The following DCHS2 variants were observed in gnomAD, a reference collection of about 807,000 sequenced individuals.
The protein encoded by DCHS2 is dachsous cadherin-related 2, also known as protocadherin-23.
DCHS2 carries 142 observed loss-of-function variants against 182.4 expected under a neutral mutation model. The ratio of observed to expected loss-of-function variants is 0.78; its 90% CI spans 0.68 to 0.89. The LOEUF is 0.89. DCHS2 is among the 40% of genes least tolerant of loss of function. The pLI, the probability that DCHS2 is intolerant of heterozygous loss-of-function variation, is 0.00. For synonymous variants in DCHS2, 1,740 were observed against 1,663.3 expected, an observed-to-expected ratio of 1.05 and a Z score of -1.12; for missense variants, 4,319 against 4,198.6, an observed-to-expected ratio of 1.03 and a Z score of -0.79.
chr4:154,468,921 G>A (rs530832277), intron 1 of DCHS2, among the ~76,000 whole-genome samples: 1 of 152,276 alleles, frequency 6.6e-6, no homozygotes, highest in African/African-American at 2.4e-5. Flanking sequence ...GGAAGGGAGA[G>A]ACGTGAAGAA....
chr4:154,389,313 T>C (rs1338642203), intron 1 of DCHS2, among the ~76,000 whole-genome samples: 1 of 151,888 alleles, frequency 6.6e-6, no homozygotes, highest in East Asian at 1.9e-4. Flanking sequence ...TGTGCCATGG[T>C]TTGCTAACCC....
intron 14 of DCHS2, among the ~76,000 whole-genome samples, chr4:154,260,792 G>A (rs554643082): frequency 1.2e-4 from 18 of 151,862 alleles, no homozygotes; most frequent in East Asian, 1.9e-4. Flanking sequence ...CATCTCTTAC[G>A]TACCATCATA....
chr4:154,255,358 A>G (rs1043674848), intron 16 of DCHS2, among the ~76,000 whole-genome samples, 161 bp downstream of exon 16: 1 of 152,244 alleles, frequency 6.6e-6, no homozygotes, highest in Admixed American at 6.5e-5. Context: ...ACTATTTTCA[A>G]TATCAAAAAG....
chr4:154,278,143 G>A (rs1198484120), intron 13 of DCHS2, among the ~76,000 whole-genome samples: 1 of 151,996 alleles, frequency 6.6e-6, no homozygotes, highest in African/African-American at 2.4e-5. Context: ...TGAACAAAGT[G>A]AGAATATCAA....
At chr4:154,331,676 C>A in intron 5 of DCHS2, 1 of 1,613,932 alleles carries the variant, frequency 6.2e-7, no homozygotes, top group Non-Finnish European at 8.5e-7. Flanking sequence ...GCAGCAGCAC[C>A]ATCTGCCCAG....
chr4:154,356,796 C>T (rs1729892631), intron 3 of DCHS2, among the ~76,000 whole-genome samples: 2 of 152,112 alleles, frequency 1.3e-5, no homozygotes, highest in African/African-American at 2.4e-5. Flanking sequence ...GTTCACACAA[C>T]AACGAAATCA....
chr4:154,417,200 TGTGTGAGAGAGAGAGAGAGA>T (rs1295689397), intron 1 of DCHS2, among the ~76,000 whole-genome samples: 20 of 47,960 alleles, frequency 4.2e-4, no homozygotes, highest in Admixed American at 9.6e-4. Flanking sequence ...TGTGTGTGTG[TGTGTGAGAGAGAGAGAGAGA>T]GAGAGAGAGA....
At chr4:154,295,465 G>A (rs1162263998) in intron 13 of DCHS2, among the ~76,000 whole-genome samples, 2 of 152,276 alleles carry the variant, frequency 1.3e-5, no homozygotes, top group East Asian at 1.9e-4. Context: ...TTCCAAAGCC[G>A]AGAATAACAC....
intron 5 of DCHS2, chr4:154,331,775 G>C (rs866174853): frequency 2.0e-6 from 3 of 1,520,630 alleles, no homozygotes; most frequent in Admixed American, 2.1e-5. Flanking sequence ...TGTACTACTC[G>C]AGCTATCTGA....
chr4:154,322,454 G>A lies in DCHS2; in HGVS notation c.4053C>T (p.Asn1351=), dbSNP rs962603301. The A allele has an allele frequency of 6.2e-6, 10 of 1,613,332 alleles. No homozygotes were observed. The highest frequency in any genetic ancestry group is 8.5e-6 in the Non-Finnish European group (10 of 1,179,622). The change falls in exon 8 of 20, where the codon AAC becomes AAT. Residue 1351 remains asparagine, a synonymous_variant. Coordinates refer to ENST00000357232, the MANE Select transcript of DCHS2 (RefSeq NM_001358235.2). ...DSSDHFKIDA[N]NGEIRTTTIL... ...TTGTGGTTGTTCTTATTTCACCATT[G>A]TTGGCGTCAATCTTAAAGTGATCAG...
chr4:154,428,914 A>G (rs992038279), intron 1 of DCHS2, among the ~76,000 whole-genome samples: 1 of 151,892 alleles, frequency 6.6e-6, no homozygotes, highest in African/African-American at 2.4e-5. Context: ...CATCTCAAAG[A>G]AAAAAAAGGA....
rs139628693 is a variant in DCHS2, at chr4:154,236,577, C to T, written c.8075G>A (p.Arg2692His). 3.4e-4 allele frequency: 549 copies of T among 1,613,978 alleles called. 1 individual carries two copies. The African/African-American group carries it at 6.0e-3, about 18-fold the overall frequency. ...GATTTCTGCATGTGACCCTGTGTCA[C>T]GGTCATTTGCTGAGACCACAGTGAT... ...SHITVVSAND[R>H]DTGSHAEIIY... is the part of the protein sequence containing the mutation. The change falls in exon 20 of 20, where the codon CGT becomes CAT. Residue 2692 changes from arginine (R) to histidine (H), a missense_variant. By Grantham distance (29) the Arg-to-His change is conservative. Coordinates refer to ENST00000357232, the MANE Select transcript of DCHS2 (RefSeq NM_001358235.2).
chr4:154,354,500 T>G (rs1729770512), intron 3 of DCHS2, among the ~76,000 whole-genome samples: 1 of 152,246 alleles, frequency 6.6e-6, no homozygotes, highest in Non-Finnish European at 1.5e-5. Flanking sequence ...TAAAATATCC[T>G]TAAGTTCCTT....
At chr4:154,488,892 GTGTGTGTGTC>G (rs770763541) in intron 1 of DCHS2, among the ~76,000 whole-genome samples, 3,468 of 24,650 alleles carry the variant, frequency 0.14, 65 homozygotes, top group Non-Finnish European at 0.24. Context: ...ATATATGTGT[GTGTGTGTGTC>G]TGTGTGTGTG....
At chr4:154,369,161 A>G (rs142864575) in intron 2 of DCHS2, among the ~76,000 whole-genome samples, 1 of 152,202 alleles carries the variant, frequency 6.6e-6, no homozygotes, top group African/African-American at 2.4e-5. Context: ...ACAAGATCAA[A>G]TCTAGATTTT....
Position 154,490,771 on chromosome 4 carries a change from G to T in DCHS2, c.585C>A (p.Asp195Glu). Reference protein sequence around the residue: ...AFRLPVAHDPDAGLFSTQGYT... With the variant: ...AFRLPVAHDPEAGLFSTQGYT... ...AGCCCTGAGTGCTGAACAGTCCGGCGTCCGGATCGTGGGCAACTGGCAGGC... is the reference window on the plus strand; with the variant it reads ...AGCCCTGAGTGCTGAACAGTCCGGCTTCCGGATCGTGGGCAACTGGCAGGC... The change falls in exon 1 of 20, where the codon GAC (aspartate) becomes GAA (glutamate). Residue 195 changes from aspartate to glutamate, a missense_variant. Physicochemically the swap from Asp to Glu is conservative, Grantham distance 45. Transcript: ENST00000357232. 1 of 1,551,592 alleles carries T rather than the reference G, an allele frequency of 6.4e-7. No homozygotes were observed. The highest frequency in any genetic ancestry group is 8.7e-7 in the Non-Finnish European group (1 of 1,146,890).
rs539491845 is a variant in DCHS2 at position 154,246,850 on chromosome 4, C to T, written c.6942-4078G>A. ...TAAAACAACAAAAACTAAACCCACACACAAACAATAAATGGAAAGTAGGAA... is the reference window on the plus strand; with the variant it reads ...TAAAACAACAAAAACTAAACCCACATACAAACAATAAATGGAAAGTAGGAA... On this transcript the variant is annotated intron_variant, in intron 16 of 19. Coordinates refer to ENST00000357232, the MANE Select transcript of DCHS2 (RefSeq NM_001358235.2). Among the ~76,000 whole-genome samples the T allele has an allele frequency of 1.1e-4, 16 of 151,986 alleles. No homozygotes were observed. In the South Asian group the frequency reaches 3.1e-3, roughly 30 times the overall value.
chr4:154,285,787 C>G (rs1734366756), intron 13 of DCHS2, among the ~76,000 whole-genome samples: 1 of 152,168 alleles, frequency 6.6e-6, no homozygotes, highest in Non-Finnish European at 1.5e-5. Context: ...CACTCCTAGG[C>G]TTCAGGGGAA....
intron 13 of DCHS2, among the ~76,000 whole-genome samples, chr4:154,287,434 A>G (rs780135233): frequency 6.6e-6 from 1 of 152,206 alleles, no homozygotes; most frequent in Non-Finnish European, 1.5e-5. Context: ...ACAATAAGAT[A>G]GAAACAACAA....
Sources: allele counts gnomAD v4.1 joint callset (sites outside exome capture counted in the v4.1 genomes callset), GRCh38; gene constraint gnomAD v4.1.1; transcripts MANE v1.5; gene names NCBI Gene and HGNC (gene_info 2026-07-23, HGNC 2026-07-21).